TENM3: variants seen among roughly 807,000 people sequenced by gnomAD.
The protein encoded by TENM3 is teneurin transmembrane protein 3, also known as teneurin-3.
A neutral mutation model predicts 255.1 loss-of-function variants in TENM3; 63 were observed. The ratio of observed to expected loss-of-function variants is 0.25; its 90% CI spans 0.20 to 0.30. TENM3 has a LOEUF of 0.30. Among genes scored for constraint, TENM3 ranks in the 10% least tolerant of loss-of-function variants. The pLI, the probability that TENM3 is intolerant of heterozygous loss-of-function variation, is 1.00. For synonymous variants in TENM3, 1,306 were observed against 1,322.3 expected, an observed-to-expected ratio of 0.99 and a Z score of 0.27; for missense variants, 2,929 against 3,461.1, an observed-to-expected ratio of 0.85 and a Z score of 3.86.
intron 3 of TENM3, among the ~76,000 whole-genome samples, chr4:182,509,937 C>CAA (rs55817843): frequency 0.023 from 2,440 of 104,488 alleles, 69 homozygotes; most frequent in East Asian, 0.038. Context: ...AACTCTGTCT[C>CAA]AAAAAAAAAA....
chr4:182,524,107 C>G (rs1235861214), intron 3 of TENM3, among the ~76,000 whole-genome samples: 1 of 152,138 alleles, frequency 6.6e-6, no homozygotes, highest in Non-Finnish European at 1.5e-5. Flanking sequence ...TGCAGTCATC[C>G]TCTTTTTACG....
chr4:182,284,995 G>GCA (rs1194386204), intron 1 of TENM3, among the ~76,000 whole-genome samples: 2 of 152,010 alleles, frequency 1.3e-5, no homozygotes, highest in African/African-American at 2.4e-5. Context: ...TTAATATTTA[G>GCA]CATATATATA....
chr4:182,097,580 T>C, the TENM3 span, among the ~76,000 whole-genome samples: 2 of 152,214 alleles, frequency 1.3e-5, no homozygotes, highest in Non-Finnish European at 2.9e-5. Context: ...ACTCGACATA[T>C]ATGTATTAAG....
intron 1 of TENM3, among the ~76,000 whole-genome samples, chr4:182,248,343 A>T (rs1434816141): frequency 1.3e-5 from 2 of 152,184 alleles, no homozygotes; most frequent in African/African-American, 4.8e-5. Context: ...AAAAAAATGG[A>T]AATTCTTAGA....
the TENM3 span, among the ~76,000 whole-genome samples, chr4:181,473,158 TA>T: frequency 9.8e-5 from 15 of 152,296 alleles, no homozygotes; most frequent in East Asian, 5.8e-4. Context: ...GAAATAATGT[TA>T]AAAAATCAAA....
chr4:181,598,408 G>A, the TENM3 span, among the ~76,000 whole-genome samples: 1 of 152,034 alleles, frequency 6.6e-6, no homozygotes, highest in Non-Finnish European at 1.5e-5. Flanking sequence ...CATTGGATTT[G>A]GGGTGATAAT....
At chr4:182,545,784 G>A (rs1281835816) in intron 3 of TENM3, among the ~76,000 whole-genome samples, 2 of 152,044 alleles carry the variant, frequency 1.3e-5, no homozygotes, top group Non-Finnish European at 2.9e-5. Flanking sequence ...TAGCCCACCT[G>A]TTTTACTCTG....
In TENM3 at chr4:182,792,860, A is replaced by G. The variant is rs1172889127; in HGVS notation, c.6188A>G (p.Tyr2063Cys). The G allele has an allele frequency of 4.3e-6, 7 of 1,613,688 alleles. No individual in the cohort carries two copies. Among genetic ancestry groups the G allele is most frequent in the Non-Finnish European group, 2.5e-6 (3 of 1,179,764 alleles). ...CAGTTTGGAAAGTTTGGAGTTATAT[A>G]TTATGATATTAACCAGATCATTTCT... ...VEQFGKFGVI[Y>C]YDINQIISTA... The change falls in exon 26 of 28, where the codon TAT (tyrosine) becomes TGT (cysteine). Residue 2063 changes from tyrosine to cysteine, a missense_variant. Tyr to Cys is a radical substitution (Grantham distance 194, BLOSUM62 -2). Coordinates refer to ENST00000511685, the MANE Select transcript of TENM3 (RefSeq NM_001080477.4). The surrounding 1 kb of genome is among the most constrained non-coding windows in gnomAD (Gnocchi z 6.3).
At chr4:182,771,473 G>T (rs372430005) in intron 22 of TENM3, among the ~76,000 whole-genome samples, 2 of 141,446 alleles carry the variant, frequency 1.4e-5, no homozygotes, top group Non-Finnish European at 1.5e-5. Flanking sequence ...TAACCACGTC[G>T]TATTTTCATT....
At chr4:181,997,279 G>T in the TENM3 span, among the ~76,000 whole-genome samples, 6 of 152,254 alleles carry the variant, frequency 3.9e-5, no homozygotes, top group East Asian at 1.2e-3. Flanking sequence ...GGTTATTTTT[G>T]TAATTCGGTC....
intron 3 of TENM3, among the ~76,000 whole-genome samples, chr4:182,460,563 CAA>C (rs988046193): frequency 1.2e-4 from 18 of 152,164 alleles, no homozygotes; most frequent in African/African-American, 4.3e-4. Context: ...GAAGGAGAGA[CAA>C]GAGAGGGGTG....
the TENM3 span, among the ~76,000 whole-genome samples, chr4:182,003,053 C>T: frequency 0.16 from 24,168 of 151,814 alleles, 2,241 homozygotes; most frequent in Non-Finnish European, 0.21. Context: ...ATTGGATGGC[C>T]ACTAGTGACT....
chr4:181,492,644 G>T, the TENM3 span, among the ~76,000 whole-genome samples: 1 of 152,052 alleles, frequency 6.6e-6, no homozygotes, highest in Non-Finnish European at 1.5e-5. Context: ...ACAATTAGAC[G>T]TAGATTCTAT....
the TENM3 span, among the ~76,000 whole-genome samples, chr4:181,991,726 G>A: frequency 1.3e-5 from 2 of 152,110 alleles, no homozygotes; most frequent in African/African-American, 4.8e-5. Flanking sequence ...TTCAAAGTTA[G>A]GCTGAGGATG....
intron 3 of TENM3, among the ~76,000 whole-genome samples, chr4:182,506,338 TG>T (rs1736814989): frequency 6.6e-6 from 1 of 152,190 alleles, no homozygotes. Flanking sequence ...TCAGAAAACT[TG>T]AAGTTCAATC....
intron 3 of TENM3, among the ~76,000 whole-genome samples, chr4:182,473,525 T>C (rs1733355391): frequency 6.6e-6 from 1 of 151,968 alleles, no homozygotes; most frequent in Non-Finnish European, 1.5e-5. Flanking sequence ...TACAAAAAAT[T>C]AGCCAGGCGT....
chr4:182,783,702 G>A (rs1192432678), intron 24 of TENM3, among the ~76,000 whole-genome samples: 2 of 144,324 alleles, frequency 1.4e-5, no homozygotes, highest in East Asian at 3.8e-4. Flanking sequence ...CCAATCAGAC[G>A]TAGATACGGT....
chr4:181,637,043 C>T, the TENM3 span, among the ~76,000 whole-genome samples: 56 of 152,242 alleles, frequency 3.7e-4, no homozygotes, highest in African/African-American at 1.3e-3. Context: ...AAGGCTTTCC[C>T]GCTAGATACC....
chr4:181,764,726 C>A, the TENM3 span, among the ~76,000 whole-genome samples: 12 of 152,122 alleles, frequency 7.9e-5, no homozygotes, highest in African/African-American at 2.9e-4. Flanking sequence ...GGGTCTTGCT[C>A]TGTTGCCAGA....
Sources: allele counts gnomAD v4.1 joint callset (sites outside exome capture counted in the v4.1 genomes callset), GRCh38; gene constraint gnomAD v4.1.1; non-coding constraint Gnocchi (gnomAD v3.1); transcripts MANE v1.5; gene names NCBI Gene and HGNC (gene_info 2026-07-23, HGNC 2026-07-21).